Variants in PXDN observed in about 807,000 individuals in gnomAD.
PXDN encodes peroxidasin homolog.
A neutral mutation model predicts 140.3 loss-of-function variants in PXDN; 77 were observed. The observed-to-expected ratio is 0.55, with a 90% CI of 0.46 to 0.66. The LOEUF is 0.66. Among genes scored for constraint, PXDN ranks in the 30% least tolerant of loss-of-function variants. The pLI, the probability that PXDN is intolerant of heterozygous loss-of-function variation, is 0.00. For synonymous variants in PXDN, 911 were observed against 857.4 expected, an observed-to-expected ratio of 1.06 and a Z score of -1.09; for missense variants, 1,838 against 2,039.5, an observed-to-expected ratio of 0.90 and a Z score of 1.90.
intron 15 of PXDN, chr2:1,654,090 G>C: frequency 2.1e-6 from 1 of 484,562 alleles, no homozygotes; most frequent in East Asian, 3.4e-5. Context: ...ATACACTAAT[G>C]ACTTTTAAAC....
rs987048787 is a variant in PXDN at position 1,660,122 on chromosome 2, G to A, written c.1837+759C>T. Among the ~76,000 whole-genome samples the A allele has an allele frequency of 1.3e-5, 2 of 152,128 alleles. No homozygotes were observed. The highest frequency in any genetic ancestry group is 4.8e-5 in the African/African-American group (2 of 41,420). ...ACACCACTGATGAGGCGCAGGTTTG[G>A]GTCACACTGTGAAGACTCCATGCAA... On this transcript the variant is annotated intron_variant, in intron 14 of 22. Transcript: ENST00000252804. This position sits in a 1 kb window ranked among gnomAD's most constrained non-coding sequence, Gnocchi z 4.6.
Position 1,648,843 on chromosome 2 carries a change from G to C in PXDN, c.2937C>G (p.Asn979Lys). The C allele has an allele frequency of 3.7e-6, 6 of 1,601,026 alleles. No individual in the cohort carries two copies. Among genetic ancestry groups the C allele is most frequent in the Non-Finnish European group, 5.1e-6 (6 of 1,176,474 alleles). Reference protein sequence around the residue: ...PCFLAGDHRANEQLGLTSMHT... With the variant: ...PCFLAGDHRAKEQLGLTSMHT... ...GCATGCTGGTCAGGCCCAGCTGCTC[G>C]TTGGCGCGGTGGTCCCCGGCCAGGA... Residue 979 changes from asparagine (N) to lysine (K), a missense_variant, in exon 17 of 23, where the codon AAC becomes AAG. This residue lies in a region of PXDN where 850 missense variants were observed against 894.1 expected (regional missense o/e 0.95). Coordinates refer to ENST00000252804, the MANE Select transcript of PXDN (RefSeq NM_012293.3). This position sits in a 1 kb window ranked among gnomAD's most constrained non-coding sequence, Gnocchi z 8.9.
intron 1 of PXDN, among the ~76,000 whole-genome samples, chr2:1,723,851 G>A (rs1685111924): frequency 6.6e-6 from 1 of 152,170 alleles, no homozygotes; most frequent in Non-Finnish European, 1.5e-5. Context: ...CTGTTGCCAT[G>A]CCAATACAAA....
chr2:1,705,660 CGCAGGGTGCAGAGT>C (rs1684583025), intron 1 of PXDN, among the ~76,000 whole-genome samples: 1 of 146,492 alleles, frequency 6.8e-6, no homozygotes, highest in Non-Finnish European at 1.5e-5. Flanking sequence ...TGACCTGGGA[CGCAGGGTGCAGAGT>C]GCAGGGTGCA....
Position 1,665,025 on chromosome 2 carries a change from G to T in PXDN, c.1341C>A (p.Gly447=), listed in dbSNP as rs201785135. ...CTTCACACTGGAAATCCACGGTCTG[G>T]CCCTCAATAACGACTCTGTCCTGAG... is the stretch of plus-strand genomic sequence containing the variant. The part of the protein sequence containing the change: ...VTPQDRVVIE[G]QTVDFQCEAK... The change falls in exon 11 of 23, where the codon GGC becomes GGA. Residue 447 remains glycine (G), a synonymous_variant. Transcript: ENST00000252804. 29 of 1,612,342 alleles carry T rather than the reference G, an allele frequency of 1.8e-5. No homozygotes were observed. The East Asian group carries it at 5.6e-4, about 31-fold the overall frequency.
rs1683004375 is a variant in PXDN, at chr2:1,651,086, T to C, written c.2105-1411A>G. Among the ~76,000 whole-genome samples, 1 of 152,108 alleles carries C rather than the reference T, an allele frequency of 6.6e-6. No homozygotes were observed. Among genetic ancestry groups the C allele is most frequent in the African/African-American group, 2.4e-5 (1 of 41,432 alleles). ...GGCTCCCCTCAGCCCCTGGTTCTGT[T>C]CTGTCTGACTTTTCCCAGAGGCTGA... On this transcript the variant is annotated intron_variant, in intron 16 of 22. Transcript: ENST00000252804. This position sits in a 1 kb window ranked among gnomAD's most constrained non-coding sequence, Gnocchi z 4.4.
Position 1,687,760 on chromosome 2 carries a change from C to G in PXDN, c.345-57G>C, listed in dbSNP as rs929640223. On this transcript the variant is annotated intron_variant, in intron 3 of 22. Transcript: ENST00000252804. The surrounding 1 kb of genome is among the most constrained non-coding windows in gnomAD (Gnocchi z 4.0). ...CACAGACAGGAGGTCAAACTTCAGA[C>G]GGAAAAGAAGAATTAAATTGACACA... The G allele has an allele frequency of 4.6e-6, 6 of 1,310,062 alleles. No homozygotes were observed. The highest frequency in any genetic ancestry group is 6.4e-6 in the Non-Finnish European group (6 of 931,316). 81.2% of individuals were successfully genotyped at this position (1,310,062 alleles called of 1,614,324 possible).
rs1684347678 is a variant in PXDN, at chr2:1,698,506, G to A, written c.201-5372C>T. ...TGACTGAGGGAAGGGAGGAGAGAAT[G>A]AGATCCAGGTTAGAAGAAATCCCTT... On this transcript the variant is annotated intron_variant, in intron 1 of 22. Coordinates refer to ENST00000252804, the MANE Select transcript of PXDN (RefSeq NM_012293.3). 2.6e-5 allele frequency among the ~76,000 whole-genome samples: 4 copies of A among 152,218 alleles called. No homozygotes were observed. The South Asian group carries it at 8.3e-4, about 31-fold the overall frequency.
In PXDN at chr2:1,710,943, A is replaced by G. The variant is rs1307884861; in HGVS notation, c.201-17809T>C. Reference sequence around the variant, plus strand: ...CACTCCACCAGCACCCACTCTATGAACACCCGCTCCACCAGTACCCACTCT... The same window carrying G: ...CACTCCACCAGCACCCACTCTATGAGCACCCGCTCCACCAGTACCCACTCT... On this transcript the variant is annotated intron_variant, in intron 1 of 22. Coordinates refer to ENST00000252804, the MANE Select transcript of PXDN (RefSeq NM_012293.3). Among the ~76,000 whole-genome samples, 13 of 74,730 alleles carry G rather than the reference A, an allele frequency of 1.7e-4. 2 individuals carry two copies. The highest frequency in any genetic ancestry group is 1.3e-3 in the East Asian group (1 of 744). 49.0% of individuals were successfully genotyped at this position (74,730 alleles called of 152,430 possible).
At chr2:1,727,950 CTTT>C (rs1685227258) in intron 1 of PXDN, among the ~76,000 whole-genome samples, 1 of 152,174 alleles carries the variant, frequency 6.6e-6, no homozygotes, top group South Asian at 2.1e-4. Context: ...GTTCTCTCTT[CTTT>C]GAGACAGGGT....
intron 4 of PXDN, among the ~76,000 whole-genome samples, chr2:1,684,442 T>C (rs1435531871): frequency 6.6e-6 from 1 of 152,230 alleles, no homozygotes; most frequent in African/African-American, 2.4e-5. Context: ...TGGCCTGGCC[T>C]GACTCGGCCA....
At chr2:1,743,393 G>C (rs1306232804) in intron 1 of PXDN, among the ~76,000 whole-genome samples, 1 of 152,188 alleles carries the variant, frequency 6.6e-6, no homozygotes, top group Non-Finnish European at 1.5e-5. Flanking sequence ...ACTACCGCGC[G>C]GCCCCTCTCG....
Position 1,648,365 on chromosome 2 carries a change from G to A in PXDN, c.3415C>T (p.Leu1139Phe), listed in dbSNP as rs1397428191. Residue 1139 changes from leucine to phenylalanine, a missense_variant, in exon 17 of 23, where the codon CTC (leucine) becomes TTC (phenylalanine). By Grantham distance (22) the Leu-to-Phe change is conservative. Coordinates refer to ENST00000252804, the MANE Select transcript of PXDN (RefSeq NM_012293.3). The surrounding 1 kb of genome is among the most constrained non-coding windows in gnomAD (Gnocchi z 8.9). ...GCCATGGAGAACAGCCGCTCCGTGA[G>A]CTCCGTGTTCAGCAGCTGCGAGGGC... ...RVPSQLLNTE[L>F]TERLFSMAHT... The A allele has an allele frequency of 6.2e-7, 1 of 1,613,542 alleles. No homozygotes were observed. The highest frequency in any genetic ancestry group is 8.5e-7 in the Non-Finnish European group (1 of 1,179,900).
chr2:1,657,269 C>A (rs1023087634), intron 14 of PXDN, among the ~76,000 whole-genome samples: 13 of 151,030 alleles, frequency 8.6e-5, no homozygotes, highest in Admixed American at 5.3e-4. Context: ...GGGAACAGCC[C>A]CCTCCTGACT....
intron 1 of PXDN, among the ~76,000 whole-genome samples, chr2:1,704,905 C>G (rs577132736): frequency 6.6e-6 from 1 of 152,082 alleles, no homozygotes. Flanking sequence ...TCTTTTCATA[C>G]AAGTCTTGGG....
At chr2:1,680,443 C>T in intron 6 of PXDN, 81 bp from the exon 7 acceptor site, 1 of 1,535,128 alleles carries the variant, frequency 6.5e-7, no homozygotes. Context: ...CTTCCAGGTC[C>T]CGCGTCGGGA....
intron 21 of PXDN, chr2:1,636,294 A>G (rs1682558017): frequency 6.6e-6 from 1 of 152,504 alleles, no homozygotes; most frequent in Non-Finnish European, 1.5e-5. Flanking sequence ...AAATATCCCA[A>G]TTCTTCTAAT....
chr2:1,643,062 A>G (rs367568337), intron 19 of PXDN, among the ~76,000 whole-genome samples: 1 of 152,190 alleles, frequency 6.6e-6, no homozygotes, highest in African/African-American at 2.4e-5. Context: ...CTAGACATAC[A>G]TTAGGCTTTA....
intron 19 of PXDN, 69 bp downstream of exon 19, chr2:1,643,299 A>T: frequency 6.8e-7 from 1 of 1,464,054 alleles, no homozygotes; most frequent in Non-Finnish European, 9.5e-7. Flanking sequence ...GCAGGTCATT[A>T]AGCACCCGCC....
Sources: gnomAD v4.1 joint callset for allele counts (sites outside exome capture counted in the v4.1 genomes callset) on GRCh38, gnomAD v4.1.1 for gene constraint, gnomAD v4.1.1 regional missense constraint, Gnocchi (gnomAD v3.1) non-coding constraint, MANE v1.5 for transcripts, NCBI Gene and HGNC (gene_info 2026-07-23, HGNC 2026-07-21) for gene names.